Variants in SLTM observed in about 807,000 individuals in gnomAD.
SLTM encodes SAFB like transcription modulator.
A neutral mutation model predicts 134.6 loss-of-function variants in SLTM; 43 were observed. The observed-to-expected ratio is 0.32, with a 90% CI of 0.25 to 0.41. The LOEUF (loss-of-function observed/expected upper bound fraction) is 0.41, where lower values mean the gene tolerates loss of function less well. Ranked by LOEUF, SLTM falls within the 10% of genes least tolerant of loss-of-function variation. The probability of loss-of-function intolerance (pLI) is 1.00; values close to 1 mark genes in which losing one functional copy is unlikely to be tolerated. For synonymous variants in SLTM, 424 were observed against 432.3 expected, an observed-to-expected ratio of 0.98 and a Z score of 0.24; for missense variants, 1,055 against 1,288.8, an observed-to-expected ratio of 0.82 and a Z score of 2.78.
chr15:58,913,438 C>G (rs78141652), intron 4 of SLTM, 61 bp downstream of exon 4: 12 of 1,364,896 alleles, frequency 8.8e-6, no homozygotes, highest in Non-Finnish European at 1.2e-5. Context: ...GAAAAAAATA[C>G]TTTTTATTAT....
chr15:58,931,007 T>C (rs7165662), intron 2 of SLTM, among the ~76,000 whole-genome samples: 1 of 152,088 alleles, frequency 6.6e-6, no homozygotes, highest in African/African-American at 2.4e-5. Flanking sequence ...CCTGTCAAAC[T>C]AGCACAGCAT....
intron 14 of SLTM, among the ~76,000 whole-genome samples, chr15:58,890,745 CATTA>C (rs1185109949): frequency 5.9e-5 from 9 of 152,128 alleles, no homozygotes; most frequent in East Asian, 3.9e-4. Context: ...TATAATAGTC[CATTA>C]ATTAATTGAC....
chr15:58,913,841 A>G, intron 3 of SLTM, 145 bp from the exon 4 acceptor site: 1 of 604,766 alleles, frequency 1.7e-6, no homozygotes, highest in East Asian at 2.8e-5. Context: ...TACCTTATAT[A>G]TTTACTGTGT....
chr15:58,910,536 T>A (rs1235340718), intron 5 of SLTM, among the ~76,000 whole-genome samples: 1 of 152,206 alleles, frequency 6.6e-6, no homozygotes, highest in Non-Finnish European at 1.5e-5. Flanking sequence ...TTAAAAATTG[T>A]TCGTAATGAA....
intron 1 of SLTM, 147 bp downstream of exon 1, chr15:58,933,257 C>G (rs899953148): frequency 5.1e-6 from 4 of 790,162 alleles, no homozygotes; most frequent in African/African-American, 1.8e-5. Context: ...GTCCTCCACG[C>G]TCGCGGGAGC....
chr15:58,890,570 T>G (rs897079714), intron 14 of SLTM, 109 bp from the exon 15 acceptor site: 4 of 1,069,568 alleles, frequency 3.7e-6, no homozygotes, highest in Non-Finnish European at 5.3e-6. Flanking sequence ...AAATTTCAAC[T>G]CAATCTAAGT....
At chr15:58,921,607 T>A (rs1240004935) in intron 2 of SLTM, 2 of 441,336 alleles carry the variant, frequency 4.5e-6, no homozygotes, top group African/African-American at 2.0e-5. Flanking sequence ...TAGGACAAGA[T>A]TGTCAAACAG....
chr15:58,916,804 T>C, intron 3 of SLTM, 131 bp downstream of exon 3: 1 of 627,018 alleles, frequency 1.6e-6, no homozygotes, highest in Non-Finnish European at 2.7e-6. Flanking sequence ...TTAAACGTTG[T>C]CAATATTACA....
rs60261686 is a variant in SLTM at position 58,886,218 on chromosome 15, A to AGTGTGT, written c.2835+751_2835+756dup. 3.6e-3 allele frequency among the ~76,000 whole-genome samples: 442 copies of AGTGTGT among 124,464 alleles called. 1 individual carries two copies. The highest frequency in any genetic ancestry group is 8.8e-3 in the East Asian group (38 of 4,326). 81.7% of individuals were successfully genotyped at this position (124,464 alleles called of 152,430 possible). A position where few individuals can be genotyped will look rare whatever the true frequency, so the allele number is the denominator to read the frequency against. On this transcript the variant is annotated intron_variant, in intron 19 of 20. Coordinates refer to ENST00000380516, the MANE Select transcript of SLTM (RefSeq NM_024755.4). ...TTAAATGAAGCAGGAGAAAAAGAAG[A>AGTGTGT]GTGTGTGTGTGTGTGTGTGTGTGTG...
Position 58,893,378 on chromosome 15 carries a change from A to T in SLTM, c.1649-14T>A. ...GACTCTTGGAACCTAAGGGAAAAAA[A>T]TTATATAAAACAATGTCTAAAATTT... On this transcript the variant is annotated splice_polypyrimidine_tract_variant and intron_variant, in intron 12 of 20. Coordinates refer to ENST00000380516, the MANE Select transcript of SLTM (RefSeq NM_024755.4). The T allele has an allele frequency of 1.9e-6, 3 of 1,558,694 alleles. No individual in the cohort carries two copies. Among genetic ancestry groups the T allele is most frequent in the African/African-American group, 2.8e-5 (2 of 72,646 alleles).
At chr15:58,886,420 C>T (rs571975707) in intron 19 of SLTM, among the ~76,000 whole-genome samples, 1 of 152,108 alleles carries the variant, frequency 6.6e-6, no homozygotes, top group African/African-American at 2.4e-5. Context: ...GCGCCCACCA[C>T]CACGCCCGGC....
intron 19 of SLTM, among the ~76,000 whole-genome samples, chr15:58,886,099 A>C (rs1333014063): frequency 2.0e-5 from 3 of 152,172 alleles, no homozygotes; most frequent in Non-Finnish European, 1.5e-5. Flanking sequence ...AAGAGTAAAA[A>C]TTTAAAAATA....
intron 5 of SLTM, among the ~76,000 whole-genome samples, chr15:58,908,589 G>A (rs566307380): frequency 1.3e-5 from 2 of 151,790 alleles, no homozygotes; most frequent in East Asian, 1.9e-4. Context: ...GGCTGGTCTC[G>A]AACTCCTGGC....
chr15:58,915,687 T>A lies in SLTM; in HGVS notation c.315+1248A>T, dbSNP rs2036584886. 3.9e-5 allele frequency among the ~76,000 whole-genome samples: 6 copies of A among 152,014 alleles called. No homozygotes were observed. In the South Asian group the frequency reaches 1.0e-3, roughly 26 times the overall value. On this transcript the variant is annotated intron_variant, in intron 3 of 20. Transcript: ENST00000380516. ...TCAGGGCTAACTCCTCAACAAAACATCTTTTGGGGGTGGGGTTGTGTCTGT... is the reference window on the plus strand; with the variant it reads ...TCAGGGCTAACTCCTCAACAAAACAACTTTTGGGGGTGGGGTTGTGTCTGT...
Position 58,928,386 on chromosome 15 carries a change from T to C in SLTM, c.250+3970A>G, listed in dbSNP as rs559848312. ...TCAATGGGTGAAGCTTTCTCCTAAG[T>C]TACTTATTTAAAAGTTCATAACAAA... is the stretch of plus-strand genomic sequence containing the variant. On this transcript the variant is annotated intron_variant, in intron 2 of 20. Coordinates refer to ENST00000380516, the MANE Select transcript of SLTM (RefSeq NM_024755.4). Among the ~76,000 whole-genome samples the C allele has an allele frequency of 2.6e-5, 4 of 152,294 alleles. No homozygotes were observed. In the South Asian group the frequency reaches 8.3e-4, roughly 32 times the overall value.
chr15:58,919,934 C>T (rs2036904349), intron 2 of SLTM, among the ~76,000 whole-genome samples: 1 of 152,108 alleles, frequency 6.6e-6, no homozygotes, highest in Non-Finnish European at 1.5e-5. Context: ...GCCAGGATTT[C>T]GTGACCAATC....
At chr15:58,913,134 C>T (rs954045424) in intron 4 of SLTM, among the ~76,000 whole-genome samples, 3 of 152,130 alleles carry the variant, frequency 2.0e-5, no homozygotes, top group Non-Finnish European at 4.4e-5. Flanking sequence ...TTGGTACATT[C>T]ATTCATCGTG....
At chr15:58,922,205 GTC>G (rs1357267667) in intron 2 of SLTM, among the ~76,000 whole-genome samples, 1 of 151,192 alleles carries the variant, frequency 6.6e-6, no homozygotes, top group African/African-American at 2.4e-5. Flanking sequence ...GTGAAACCCT[GTC>G]TCTACTAAAA....
chr15:58,886,245 G>A (rs1331882969), intron 19 of SLTM, among the ~76,000 whole-genome samples: 6 of 146,762 alleles, frequency 4.1e-5, no homozygotes, highest in African/African-American at 1.3e-4. Context: ...GTGTGTGTGT[G>A]TGTGTGTGTG....
Sources: gnomAD v4.1 joint callset for allele counts (sites outside exome capture counted in the v4.1 genomes callset) on GRCh38, gnomAD v4.1.1 for gene constraint, MANE v1.5 for transcripts, NCBI Gene and HGNC (gene_info 2026-07-23, HGNC 2026-07-21) for gene names.